Variants in PTPRD observed in about 807,000 individuals in gnomAD.
The protein encoded by PTPRD is receptor-type tyrosine-protein phosphatase delta.
Under a neutral mutation model 214.5 loss-of-function variants are expected in PTPRD, and 34 were observed. The observed-to-expected ratio is 0.16, with a 90% confidence interval of 0.12 to 0.21. The LOEUF (loss-of-function observed/expected upper bound fraction) is 0.21. Among genes scored for constraint, PTPRD ranks in the 10% least tolerant of loss-of-function variants. PTPRD has a pLI of 1.00. For missense variants in PTPRD, 2,545 were observed against 2,398.7 expected (o/e 1.06, Z -1.27); for synonymous variants, 1,128 against 845.7 (o/e 1.33, Z -5.79).
intron 4 of PTPRD, among the ~76,000 whole-genome samples, chr9:9,982,783 G>A (rs1189958824): frequency 6.6e-6 from 1 of 151,716 alleles, no homozygotes; most frequent in Non-Finnish European, 1.5e-5. Flanking sequence ...GCTTAATGAA[G>A]CAAGGAGGAC....
At chr9:8,666,040 T>TC (rs1491552727) in intron 12 of PTPRD, among the ~76,000 whole-genome samples, 1 of 75,836 alleles carries the variant, frequency 1.3e-5, no homozygotes, top group African/African-American at 5.8e-5. Flanking sequence ...TTCATAACTG[T>TC]TTTTTTTTTT....
chr9:10,202,518 A>T (rs1008715107), intron 3 of PTPRD, among the ~76,000 whole-genome samples: 2 of 151,092 alleles, frequency 1.3e-5, no homozygotes, highest in Non-Finnish European at 2.9e-5. Context: ...TTTAGCTGTC[A>T]TGATTGTTTG....
chr9:10,378,782 T>C (rs1405732050), intron 2 of PTPRD, among the ~76,000 whole-genome samples: 1 of 152,098 alleles, frequency 6.6e-6, no homozygotes, highest in African/African-American at 2.4e-5. Flanking sequence ...TTGCATAGAA[T>C]AGTTTTGGCT....
chr9:9,804,738 T>C (rs2099062395), intron 5 of PTPRD, among the ~76,000 whole-genome samples: 1 of 151,902 alleles, frequency 6.6e-6, no homozygotes, highest in Admixed American at 6.6e-5. Context: ...TAGCATACCA[T>C]GCACTTGGTA....
intron 3 of PTPRD, among the ~76,000 whole-genome samples, chr9:10,049,917 C>A (rs568178861): frequency 5.3e-5 from 8 of 152,236 alleles, no homozygotes; most frequent in African/African-American, 1.9e-4. Flanking sequence ...TGACCTGTCT[C>A]AGAATCTAGT....
intron 3 of PTPRD, among the ~76,000 whole-genome samples, chr9:10,037,027 A>G (rs1410072219): frequency 6.6e-6 from 1 of 151,898 alleles, no homozygotes; most frequent in African/African-American, 2.4e-5. Context: ...CTGGGACTAC[A>G]GGTATGTCCC....
At chr9:9,890,980 G>C (rs190220817) in intron 5 of PTPRD, among the ~76,000 whole-genome samples, 1 of 152,138 alleles carries the variant, frequency 6.6e-6, no homozygotes, top group Admixed American at 6.6e-5. Flanking sequence ...GTAAGACATA[G>C]AAAAGAAAAA....
In PTPRD at chr9:10,153,158, T is replaced by G. The variant is rs369041337; in HGVS notation, c.-544-119368A>C. ...TATGAAAGTTGTTGAGAGTAGATTT[T>G]AAATAATCTCATCTCCAAAAATGAT... On this transcript the variant is annotated intron_variant, in intron 3 of 45. Coordinates refer to ENST00000381196, the MANE Select transcript of PTPRD (RefSeq NM_002839.4). Among the ~76,000 whole-genome samples, 14 of 152,262 alleles carry G rather than the reference T, an allele frequency of 9.2e-5. No homozygotes were observed. The East Asian group carries it at 2.7e-3, about 29-fold the overall frequency.
At chr9:8,438,894 A>G (rs2132679382) in intron 34 of PTPRD, 1 of 152,298 alleles carries the variant, frequency 6.6e-6, no homozygotes, top group Middle Eastern at 3.4e-3. Context: ...AATAATAACC[A>G]AAGATGTGAT....
chr9:8,807,856 C>G (rs932701081), intron 11 of PTPRD, among the ~76,000 whole-genome samples: 1 of 151,990 alleles, frequency 6.6e-6, no homozygotes, highest in Non-Finnish European at 1.5e-5. Flanking sequence ...TGAAGGTGGG[C>G]AACAGTGGTA....
intron 9 of PTPRD, among the ~76,000 whole-genome samples, chr9:9,196,736 C>T (rs146501030): frequency 1.8e-4 from 28 of 152,140 alleles, no homozygotes; most frequent in African/African-American, 5.8e-4. Context: ...ACATAAATAT[C>T]CACAATTTTT....
chr9:8,899,273 T>G (rs907271545), intron 11 of PTPRD, among the ~76,000 whole-genome samples: 2 of 152,164 alleles, frequency 1.3e-5, no homozygotes, highest in Non-Finnish European at 2.9e-5. Flanking sequence ...TTACAACACC[T>G]GAAAACTAAA....
At chr9:8,973,266 G>A (rs1319689117) in intron 11 of PTPRD, among the ~76,000 whole-genome samples, 1 of 151,716 alleles carries the variant, frequency 6.6e-6, no homozygotes, top group Non-Finnish European at 1.5e-5. Context: ...CCATATTTAT[G>A]TCCCTGCGCG....
chr9:8,367,681 C>A (rs964329953), intron 39 of PTPRD, among the ~76,000 whole-genome samples: 3 of 152,152 alleles, frequency 2.0e-5, no homozygotes, highest in Non-Finnish European at 4.4e-5. Flanking sequence ...TTCTACTCTT[C>A]TGAATCAACA....
At chr9:9,408,540 G>T (rs1332891706) in intron 8 of PTPRD, among the ~76,000 whole-genome samples, 1 of 151,776 alleles carries the variant, frequency 6.6e-6, no homozygotes, top group East Asian at 1.9e-4. Context: ...TTTCAATTAA[G>T]AAAGGAAAGC....
At chr9:8,577,290 T>C (rs2092530726) in intron 14 of PTPRD, among the ~76,000 whole-genome samples, 1 of 152,160 alleles carries the variant, frequency 6.6e-6, no homozygotes, top group African/African-American at 2.4e-5. Context: ...GTTTCGCTCT[T>C]GTTGCCCAGG....
At chr9:9,771,175 C>G (rs2098748917) in intron 5 of PTPRD, among the ~76,000 whole-genome samples, 1 of 152,082 alleles carries the variant, frequency 6.6e-6, no homozygotes, top group Non-Finnish European at 1.5e-5. Flanking sequence ...CCTTTATTAA[C>G]TATTAGTATC....
rs76677668 is a variant in PTPRD, at chr9:9,281,468, G to A, written c.-202-98105C>T. ...AACACAGCCTTGATAAAGAAGACAT[G>A]AAGATAGCTAATAGATATATGAAAA... On this transcript the variant is annotated intron_variant, in intron 9 of 45. Coordinates refer to ENST00000381196, the MANE Select transcript of PTPRD (RefSeq NM_002839.4). Among the ~76,000 whole-genome samples the A allele has an allele frequency of 5.6e-3, 854 of 151,398 alleles. 6 individuals carry two copies. Among genetic ancestry groups the A allele is most frequent in the African/African-American group, 0.013 (523 of 41,470 alleles).
intron 8 of PTPRD, among the ~76,000 whole-genome samples, chr9:9,404,774 A>T (rs1569568044): frequency 1.3e-5 from 2 of 152,106 alleles, no homozygotes; most frequent in Non-Finnish European, 2.9e-5. Context: ...GAGAGTACAT[A>T]GGTAGCACAT....
Sources: gnomAD v4.1 joint callset for allele counts (sites outside exome capture counted in the v4.1 genomes callset) on GRCh38, gnomAD v4.1.1 for gene constraint, MANE v1.5 for transcripts, NCBI Gene and HGNC (gene_info 2026-07-23, HGNC 2026-07-21) for gene names.